Variants in FANCL observed in about 807,000 individuals in gnomAD.
The protein encoded by FANCL is E3 ubiquitin-protein ligase FANCL.
In FANCL, 69 loss-of-function variants were observed where a neutral mutation model predicts 59.4. The observed-to-expected ratio is 1.16, with a 90% CI of 0.96 to 1.42. The LOEUF is 1.42. Among genes scored for constraint, FANCL ranks in the 40% most tolerant of loss-of-function variants. FANCL has a pLI of 0.00. For missense variants in FANCL, 519 were observed against 447.2 expected, an observed-to-expected ratio of 1.16 and a Z score of -1.45; for synonymous variants, 180 against 147.1, an observed-to-expected ratio of 1.22 and a Z score of -1.62.
At chr2:58,192,465 T>A (rs908772263) in intron 7 of FANCL, among the ~76,000 whole-genome samples, 4 of 151,860 alleles carry the variant, frequency 2.6e-5, no homozygotes, top group Admixed American at 6.6e-5. Context: ...TTTTAAAAAG[T>A]GACCTCTAGG....
chr2:58,240,484 T>C (rs1308936436), intron 1 of FANCL, among the ~76,000 whole-genome samples: 1 of 152,190 alleles, frequency 6.6e-6, no homozygotes, highest in Non-Finnish European at 1.5e-5. Flanking sequence ...CATCAGCAAA[T>C]AACGTCTCCG....
chr2:58,180,982 A>AC (rs1171332855), intron 7 of FANCL, among the ~76,000 whole-genome samples: 1 of 152,120 alleles, frequency 6.6e-6, no homozygotes, highest in Non-Finnish European at 1.5e-5. Flanking sequence ...TGTAAATGGC[A>AC]CAACTGTTTT....
chr2:58,219,416 A>C (rs908116064), intron 5 of FANCL, among the ~76,000 whole-genome samples: 1 of 151,820 alleles, frequency 6.6e-6, no homozygotes, highest in African/African-American at 2.4e-5. Flanking sequence ...AAAAATTCCA[A>C]ATCTGTGTAA....
At chr2:58,192,191 C>G (rs1038882863) in intron 7 of FANCL, among the ~76,000 whole-genome samples, 1 of 151,892 alleles carries the variant, frequency 6.6e-6, no homozygotes, top group Admixed American at 6.6e-5. Context: ...GAGAGCTTTG[C>G]CATTCCACAA....
intron 8 of FANCL, among the ~76,000 whole-genome samples, chr2:58,165,405 A>G (rs1685798972): frequency 6.6e-6 from 1 of 152,254 alleles, no homozygotes; most frequent in African/African-American, 2.4e-5. Context: ...CATTATTCTG[A>G]CTTTTTTCTT....
Position 58,162,759 on chromosome 2 carries a change from A to T in FANCL, c.903+107T>A. ...ATGCAGATCAGAAGTCTGTGTTATA[A>T]TATTTTTCTAATTCCCTCCTTTTTC... is the stretch of plus-strand genomic sequence containing the variant. On this transcript the variant is annotated intron_variant, in intron 11 of 13. Transcript: ENST00000233741. The T allele has an allele frequency of 3.1e-6, 3 of 978,888 alleles. No homozygotes were observed. The South Asian group carries it at 4.1e-5, about 13-fold the overall frequency. 60.6% of individuals were successfully genotyped at this position (978,888 alleles called of 1,614,324 possible). A position where few individuals can be genotyped will look rare whatever the true frequency, so the allele number is the denominator to read the frequency against.
chr2:58,231,406 T>C (rs1335690605), intron 2 of FANCL, among the ~76,000 whole-genome samples: 1 of 152,230 alleles, frequency 6.6e-6, no homozygotes, highest in Non-Finnish European at 1.5e-5. Flanking sequence ...TACTTTTCCA[T>C]CTGTGACCTC....
chr2:58,227,199 T>G (rs990892797), intron 3 of FANCL, among the ~76,000 whole-genome samples: 1 of 152,184 alleles, frequency 6.6e-6, no homozygotes, highest in African/African-American at 2.4e-5. Context: ...CAGCAGTGTC[T>G]AGGGGTGAAT....
At chr2:58,180,612 C>T (rs848283) in intron 7 of FANCL, among the ~76,000 whole-genome samples, 1,771 of 152,026 alleles carry the variant, frequency 0.012, 11 homozygotes, top group Non-Finnish European at 0.02. Context: ...ATGTAGATGT[C>T]GGGTTGATGG....
chr2:58,212,166 A>C (rs1691226912), intron 5 of FANCL, among the ~76,000 whole-genome samples: 1 of 152,230 alleles, frequency 6.6e-6, no homozygotes, highest in Non-Finnish European at 1.5e-5. Flanking sequence ...TGGCTGGGGA[A>C]GCCTCACAAT....
chr2:58,237,860 G>A (rs1694164872), intron 1 of FANCL, among the ~76,000 whole-genome samples: 1 of 152,160 alleles, frequency 6.6e-6, no homozygotes. Context: ...TGACTTCAGA[G>A]ACTAAGAGAT....
In FANCL at chr2:58,159,737, C is replaced by G. The variant is rs1306990749; in HGVS notation, c.*28G>C. 6.2e-7 allele frequency: 1 copy of G among 1,612,716 alleles called. No individual in the cohort carries two copies. The highest frequency in any genetic ancestry group is 8.5e-7 in the Non-Finnish European group (1 of 1,179,554). Reference sequence around the variant, plus strand: ...TTTTGATAATTTTTTAAGTTTCCAGCTCTTCACCGAAATGTTGTATTCTTA... The same window carrying G: ...TTTTGATAATTTTTTAAGTTTCCAGGTCTTCACCGAAATGTTGTATTCTTA... On this transcript the variant is annotated 3_prime_UTR_variant, in exon 14 of 14. Coordinates refer to ENST00000233741, the MANE Select transcript of FANCL (RefSeq NM_018062.4).
intron 4 of FANCL, among the ~76,000 whole-genome samples, chr2:58,226,169 G>A (rs1316560498): frequency 6.6e-6 from 1 of 152,082 alleles, no homozygotes; most frequent in Non-Finnish European, 1.5e-5. Flanking sequence ...AGGCCCAGCA[G>A]TATTCACTAT....
chr2:58,166,542 C>A (rs1446771096), intron 7 of FANCL, among the ~76,000 whole-genome samples: 1 of 152,158 alleles, frequency 6.6e-6, no homozygotes, highest in African/African-American at 2.4e-5. Context: ...CCATCACTGA[C>A]TTTAAAAATC....
At position 58,162,855 on chromosome 2, in the gene FANCL, A is replaced by G. The variant is rs755952682; in HGVS notation, c.903+11T>C. 1 of 1,607,104 alleles carries G rather than the reference A, an allele frequency of 6.2e-7. No homozygotes were observed. Among genetic ancestry groups the G allele is most frequent in the Admixed American group, 1.7e-5 (1 of 59,866 alleles). ...TACTGTCTGGAATATCAAAACACTG[A>G]TAAAACTTACAGATTTTTCCAGGAT... is the stretch of plus-strand genomic sequence containing the variant. On this transcript the variant is annotated intron_variant, in intron 11 of 13. Coordinates refer to ENST00000233741, the MANE Select transcript of FANCL (RefSeq NM_018062.4).
At chr2:58,238,324 T>A (rs1694210531) in intron 1 of FANCL, among the ~76,000 whole-genome samples, 1 of 152,188 alleles carries the variant, frequency 6.6e-6, no homozygotes, top group African/African-American at 2.4e-5. Flanking sequence ...CATGAGAGAT[T>A]TTGATCAAGA....
At chr2:58,220,038 C>A (rs1427394712) in intron 5 of FANCL, among the ~76,000 whole-genome samples, 2 of 151,628 alleles carry the variant, frequency 1.3e-5, no homozygotes, top group Non-Finnish European at 1.5e-5. Context: ...TTCTAATATC[C>A]ATGGGTAAAA....
At chr2:58,232,992 C>T (rs569868019) in intron 1 of FANCL, among the ~76,000 whole-genome samples, 62 of 152,100 alleles carry the variant, frequency 4.1e-4, no homozygotes, top group Admixed American at 3.9e-3. Flanking sequence ...CAGAGGAACA[C>T]AATTAAATGT....
upstream of FANCL, chr2:58,241,333 C>G (rs1163086363): frequency 1.2e-6 from 2 of 1,612,722 alleles, no homozygotes; most frequent in Non-Finnish European, 1.7e-6. Flanking sequence ...TCCGGAGAAA[C>G]ACAGAAAAGC....
Sources: gnomAD v4.1 joint callset for allele counts (sites outside exome capture counted in the v4.1 genomes callset) on GRCh38, gnomAD v4.1.1 for gene constraint, MANE v1.5 for transcripts, NCBI Gene and HGNC (gene_info 2026-07-23, HGNC 2026-07-21) for gene names.